RPH3A: variants seen among roughly 807,000 people sequenced by gnomAD.
RPH3A encodes the protein rabphilin-3A.
Under a neutral mutation model 102.2 loss-of-function variants are expected in RPH3A, and 48 were observed. The ratio of observed to expected loss-of-function variants is 0.47; its 90% CI spans 0.37 to 0.60. The LOEUF (loss-of-function observed/expected upper bound fraction) is 0.60, where lower values mean the gene tolerates loss of function less well. RPH3A is among the 20% of genes least tolerant of loss of function. The pLI is 0.00. For synonymous variants in RPH3A, 310 were observed against 324.3 expected (o/e 0.96, Z 0.47); for missense variants, 781 against 910.1 (o/e 0.86, Z 1.83).
intron 16 of RPH3A, among the ~76,000 whole-genome samples, chr12:112,884,524 G>T (rs1020200756): frequency 2.6e-5 from 4 of 152,130 alleles, no homozygotes; most frequent in African/African-American, 4.8e-5. Flanking sequence ...CCCTTTGGGT[G>T]GACATTTAAA....
chr12:112,876,976 T>G, intron 13 of RPH3A, 110 bp downstream of exon 13: 1 of 652,720 alleles, frequency 1.5e-6, no homozygotes, highest in Non-Finnish European at 2.5e-6. Context: ...ACCCCTAATA[T>G]ACCAGACCTA....
chr12:112,790,350 G>A (rs1470012253), upstream of RPH3A, among the ~76,000 whole-genome samples: 4 of 152,238 alleles, frequency 2.6e-5, no homozygotes, highest in Admixed American at 6.5e-5. Flanking sequence ...GAGCCACCGC[G>A]CCTGGCAGAG....
rs183591282 is a variant in RPH3A, at chr12:112,777,818, C to T, written c.-139-14325C>T. ...AATTCTATAGTCTTGCTCACAATAC[C>T]GCAGCAGGATGGCTGCTTTTTTGGC... On this transcript the variant is annotated intron_variant, in intron 1 of 21. Transcript: ENST00000543106. Among the ~76,000 whole-genome samples, 80 of 152,284 alleles carry T rather than the reference C, an allele frequency of 5.3e-4. 1 individual carries two copies. The highest frequency in any genetic ancestry group is 3.4e-3 in the Middle Eastern group (1 of 294).
intron 1 of RPH3A, among the ~76,000 whole-genome samples, chr12:112,697,117 T>G (rs1174421833): frequency 2.0e-5 from 3 of 152,088 alleles, no homozygotes; most frequent in Non-Finnish European, 2.9e-5. Flanking sequence ...TGGTCAGGAT[T>G]TGAGGTCCTA....
At chr12:112,723,617 G>C (rs1353408509) in intron 1 of RPH3A, among the ~76,000 whole-genome samples, 1 of 152,132 alleles carries the variant, frequency 6.6e-6, no homozygotes, top group Non-Finnish European at 1.5e-5. Context: ...CAAGGTTTAT[G>C]GTATTGCACC....
intron 14 of RPH3A, among the ~76,000 whole-genome samples, chr12:112,880,263 T>C (rs918927715): frequency 6.6e-5 from 10 of 152,242 alleles, no homozygotes; most frequent in Non-Finnish European, 8.8e-5. Flanking sequence ...TATCATCATT[T>C]ATTGGGCACC....
chr12:112,699,826 A>G (rs2040379829), intron 1 of RPH3A, among the ~76,000 whole-genome samples: 1 of 152,232 alleles, frequency 6.6e-6, no homozygotes, highest in Non-Finnish European at 1.5e-5. Flanking sequence ...GAAAGTCTAC[A>G]TACACTTCTA....
At chr12:112,694,551 A>G (rs936223128) in intron 1 of RPH3A, among the ~76,000 whole-genome samples, 1 of 150,092 alleles carries the variant, frequency 6.7e-6, no homozygotes, top group African/African-American at 2.4e-5. Flanking sequence ...GGCGGGGAAA[A>G]AGAGAGAGAG....
At chr12:112,877,047 A>C (rs2042815586) in intron 13 of RPH3A, among the ~76,000 whole-genome samples, 181 bp downstream of exon 13, 1 of 152,230 alleles carries the variant, frequency 6.6e-6, no homozygotes, top group African/African-American at 2.4e-5. Context: ...ACAAAATATC[A>C]GCTTCCTAAA....
chr12:112,898,147 G>A lies in RPH3A; in HGVS notation c.*1367G>A, dbSNP rs563154031. On this transcript the variant is annotated 3_prime_UTR_variant, in exon 22 of 22. Transcript: ENST00000389385. The stretch of plus-strand genomic sequence containing the variant: ...CAAATAATATCATGGCTATGGAACA[G>A]TAGAGAGAGACAGGCCTGATGCCAA... 1 of 152,310 alleles carries A rather than the reference G, an allele frequency of 6.6e-6. No individual in the cohort carries two copies. The highest frequency in any genetic ancestry group is 2.1e-4 in the South Asian group (1 of 4,830). The allele number at this position is 152,310 out of a possible 1,614,324, so 9.4% of individuals were successfully genotyped here.
chr12:112,642,272 G>T (rs1400324735), intron 1 of RPH3A, among the ~76,000 whole-genome samples: 1 of 152,152 alleles, frequency 6.6e-6, no homozygotes, highest in Non-Finnish European at 1.5e-5. Context: ...TCTGAGGTAG[G>T]AAGTTTTATC....
At chr12:112,612,630 T>C (rs151231766) in intron 1 of RPH3A, among the ~76,000 whole-genome samples, 2,660 of 149,142 alleles carry the variant, frequency 0.018, 85 homozygotes, top group African/African-American at 0.063. Flanking sequence ...AATGACGTGA[T>C]CTCGGCTCCC....
At chr12:112,735,712 C>A (rs1000898435) in intron 1 of RPH3A, among the ~76,000 whole-genome samples, 4 of 152,180 alleles carry the variant, frequency 2.6e-5, no homozygotes, top group African/African-American at 9.7e-5. Context: ...TGGTGTGGAG[C>A]AGCCTGGCTT....
chr12:112,615,253 T>G (rs1190531807), intron 1 of RPH3A, among the ~76,000 whole-genome samples: 1 of 152,170 alleles, frequency 6.6e-6, no homozygotes, highest in Non-Finnish European at 1.5e-5. Flanking sequence ...GAGGGGAGTC[T>G]TGCAGACCCT....
At chr12:112,819,087 G>GAT (rs1259046032) in intron 2 of RPH3A, among the ~76,000 whole-genome samples, 2 of 151,586 alleles carry the variant, frequency 1.3e-5, no homozygotes, top group South Asian at 2.1e-4. Context: ...ATATATTTGA[G>GAT]ATATATATAT....
chr12:112,612,736 T>G (rs1489417668), intron 1 of RPH3A, among the ~76,000 whole-genome samples: 1 of 151,720 alleles, frequency 6.6e-6, no homozygotes, highest in Non-Finnish European at 1.5e-5. Flanking sequence ...AGCTAATTTT[T>G]GTATTTTTCT....
chr12:112,763,076 T>C (rs2040865157), intron 1 of RPH3A, among the ~76,000 whole-genome samples: 1 of 152,244 alleles, frequency 6.6e-6, no homozygotes, highest in Non-Finnish European at 1.5e-5. Context: ...GATGAAACTC[T>C]GATGTCATCT....
At chr12:112,734,778 A>G (rs2040656989) in intron 1 of RPH3A, among the ~76,000 whole-genome samples, 1 of 152,146 alleles carries the variant, frequency 6.6e-6, no homozygotes, top group Non-Finnish European at 1.5e-5. Flanking sequence ...GCATCTGTAA[A>G]CTGTCATGAC....
chr12:112,651,828 G>A (rs1472277364), intron 1 of RPH3A: 1 of 152,138 alleles, frequency 6.6e-6, no homozygotes, highest in Non-Finnish European at 1.5e-5. Flanking sequence ...CATACCTCAT[G>A]TAAGTGGAAT....
Sources: gnomAD v4.1 joint callset for allele counts (sites outside exome capture counted in the v4.1 genomes callset) on GRCh38, gnomAD v4.1.1 for gene constraint, MANE v1.5 for transcripts, NCBI Gene and HGNC (gene_info 2026-07-23, HGNC 2026-07-21) for gene names.